PRKCB: variants seen among roughly 807,000 people sequenced by gnomAD.
The protein encoded by PRKCB is protein kinase C beta type.
PRKCB carries 13 observed loss-of-function variants against 81.5 expected under a neutral mutation model. The observed-to-expected ratio is 0.16, with a 90% CI of 0.10 to 0.25. The LOEUF (loss-of-function observed/expected upper bound fraction) is 0.25, where lower values mean the gene tolerates loss of function less well. Ranked by LOEUF, PRKCB falls within the 10% of genes least tolerant of loss-of-function variation. PRKCB has a pLI of 1.00. For missense variants in PRKCB, 509 were observed against 875.7 expected (o/e 0.58, Z 5.29); for synonymous variants, 335 against 321.4 (o/e 1.04, Z -0.45).
intron 5 of PRKCB, among the ~76,000 whole-genome samples, chr16:24,051,422 T>G (rs1162758877): frequency 6.6e-6 from 1 of 152,116 alleles, no homozygotes; most frequent in East Asian, 1.9e-4. Context: ...AAGAGCCCCA[T>G]GAAGGAGTTG....
chr16:23,887,587 C>T (rs1394211160), intron 2 of PRKCB, among the ~76,000 whole-genome samples: 1 of 152,188 alleles, frequency 6.6e-6, no homozygotes, highest in African/African-American at 2.4e-5. Context: ...TTTCTTTATC[C>T]AATCCATTGT....
In PRKCB at chr16:24,174,334, A is replaced by G; in HGVS notation, c.1332-184A>G. 6.9e-6 allele frequency: 4 copies of G among 577,416 alleles called. No homozygotes were observed. The South Asian group carries it at 7.2e-5, about 10-fold the overall frequency. 35.8% of individuals were successfully genotyped at this position (577,416 alleles called of 1,614,324 possible). On this transcript the variant is annotated intron_variant, in intron 11 of 16. Coordinates refer to ENST00000643927, the MANE Select transcript of PRKCB (RefSeq NM_002738.7). ...CCCAGTTTGTCCTTAAGGCAACCCC[A>G]TCACCCTCTAAACCACCCTTTGAAT...
chr16:24,057,892 A>T (rs190293884), intron 5 of PRKCB, among the ~76,000 whole-genome samples: 66 of 152,192 alleles, frequency 4.3e-4, no homozygotes, highest in African/African-American at 1.5e-3. Context: ...CAGCCACAGG[A>T]ATCTTTCTAA....
intron 5 of PRKCB, among the ~76,000 whole-genome samples, chr16:24,053,944 A>G (rs1403937991): frequency 6.6e-6 from 1 of 151,906 alleles, no homozygotes; most frequent in Non-Finnish European, 1.5e-5. Context: ...CATTATTGTG[A>G]CTCTAGTAGT....
intron 2 of PRKCB, among the ~76,000 whole-genome samples, chr16:23,877,527 C>G (rs925604835): frequency 6.6e-6 from 1 of 152,088 alleles, no homozygotes; most frequent in Non-Finnish European, 1.5e-5. Context: ...CATGGGTGTT[C>G]CCAAAAGTCG....
At chr16:24,166,183 A>G (rs1967345279) in intron 10 of PRKCB, among the ~76,000 whole-genome samples, 1 of 152,174 alleles carries the variant, frequency 6.6e-6, no homozygotes, top group Admixed American at 6.5e-5. Flanking sequence ...CACCCGGTCC[A>G]GATATGTACT....
chr16:24,206,377 T>C (rs1411409827), intron 16 of PRKCB, among the ~76,000 whole-genome samples: 2 of 152,184 alleles, frequency 1.3e-5, no homozygotes, highest in Admixed American at 1.3e-4. Flanking sequence ...GCCTAGGCTA[T>C]GTAGCTTGGA....
chr16:23,936,334 T>C (rs906216485), intron 2 of PRKCB, among the ~76,000 whole-genome samples: 11 of 152,282 alleles, frequency 7.2e-5, no homozygotes, highest in Admixed American at 2.0e-4. Flanking sequence ...TTTGAATTAC[T>C]TCCCCTGTCC....
intron 15 of PRKCB, among the ~76,000 whole-genome samples, chr16:24,189,283 G>A (rs1402210527): frequency 1.3e-5 from 2 of 152,098 alleles, no homozygotes; most frequent in Non-Finnish European, 2.9e-5. Flanking sequence ...ATTCAAATGG[G>A]AAAAATAGTA....
intron 2 of PRKCB, chr16:23,893,496 T>C (rs931848264): frequency 1.3e-5 from 2 of 152,222 alleles, no homozygotes; most frequent in African/African-American, 4.8e-5. Context: ...GGTTCAGCTG[T>C]CTGAACAGTT....
In PRKCB at chr16:23,935,113, C is replaced by T. The variant is rs557154333; in HGVS notation, c.206-53395C>T. ...AATAGGTACAAACTGGGAACTTCCC[C>T]TCAGGCATGCCAACTCAGGAGGTTG... On this transcript the variant is annotated intron_variant, in intron 2 of 16. Transcript: ENST00000643927. Among the ~76,000 whole-genome samples, 203 of 152,228 alleles carry T rather than the reference C, an allele frequency of 1.3e-3. 1 individual carries two copies. The highest frequency in any genetic ancestry group is 4.7e-3 in the African/African-American group (196 of 41,544).
At chr16:24,118,099 T>A (rs1487920385) in intron 8 of PRKCB, among the ~76,000 whole-genome samples, 1 of 152,236 alleles carries the variant, frequency 6.6e-6, no homozygotes, top group Non-Finnish European at 1.5e-5. Flanking sequence ...ACCTGTGCAA[T>A]GTAGCCTAAT....
intron 8 of PRKCB, among the ~76,000 whole-genome samples, chr16:24,118,258 C>T (rs573137739): frequency 1.3e-5 from 2 of 152,302 alleles, no homozygotes; most frequent in Admixed American, 1.3e-4. Context: ...CACTTCTTAC[C>T]TCATGAGGTT....
At chr16:23,880,058 G>A (rs1236595615) in intron 2 of PRKCB, among the ~76,000 whole-genome samples, 1 of 152,174 alleles carries the variant, frequency 6.6e-6, no homozygotes, top group African/African-American at 2.4e-5. Flanking sequence ...TGCTCTGAAA[G>A]TGTATTAATA....
chr16:24,175,526 G>C (rs1967515251), intron 12 of PRKCB, among the ~76,000 whole-genome samples: 1 of 151,774 alleles, frequency 6.6e-6, no homozygotes, highest in Non-Finnish European at 1.5e-5. Flanking sequence ...AAGTACTATG[G>C]AGATAAATCA....
intron 2 of PRKCB, among the ~76,000 whole-genome samples, chr16:23,975,668 T>A (rs924956512): frequency 6.6e-6 from 1 of 152,188 alleles, no homozygotes; most frequent in Non-Finnish European, 1.5e-5. Context: ...GATGAAACTC[T>A]GTATCTCAAC....
chr16:24,136,237 G>A (rs61538879), intron 9 of PRKCB, among the ~76,000 whole-genome samples: 5,763 of 152,078 alleles, frequency 0.038, 369 homozygotes, highest in African/African-American at 0.13. Flanking sequence ...TCAGAAGGTA[G>A]TATGTTACAA....
intron 2 of PRKCB, among the ~76,000 whole-genome samples, chr16:23,902,072 ATTTTAAC>A (rs1567307635): frequency 2.0e-5 from 3 of 152,082 alleles, no homozygotes; most frequent in African/African-American, 7.2e-5. Context: ...AAGAGATTTG[ATTTTAAC>A]TCAAAGCCAG....
chr16:23,942,140 T>A (rs529286585), intron 2 of PRKCB, among the ~76,000 whole-genome samples: 1 of 152,256 alleles, frequency 6.6e-6, no homozygotes, highest in Non-Finnish European at 1.5e-5. Flanking sequence ...TAATCCCTTT[T>A]GGTCTCCAGA....
Sources: allele counts gnomAD v4.1 joint callset (sites outside exome capture counted in the v4.1 genomes callset), GRCh38; gene constraint gnomAD v4.1.1; transcripts MANE v1.5; gene names NCBI Gene and HGNC (gene_info 2026-07-23, HGNC 2026-07-21).